CDH9: variants seen among roughly 807,000 people sequenced by gnomAD.
The protein encoded by CDH9 is cadherin 9, also known as cadherin-9.
CDH9 carries 28 observed loss-of-function variants against 70.9 expected under a neutral mutation model. The observed-to-expected ratio is 0.40, with a 90% confidence interval of 0.29 to 0.54. The LOEUF (loss-of-function observed/expected upper bound fraction) is 0.54. CDH9 is among the 20% of genes least tolerant of loss of function. The pLI, the probability that CDH9 is intolerant of heterozygous loss-of-function variation, is 0.59. For missense variants in CDH9, 874 were observed against 984.4 expected, an observed-to-expected ratio of 0.89 and a Z score of 1.50; for synonymous variants, 409 against 343.1, an observed-to-expected ratio of 1.19 and a Z score of -2.12.
intron 3 of CDH9, among the ~76,000 whole-genome samples, chr5:26,910,907 G>A (rs1206078420): frequency 1.3e-5 from 2 of 152,184 alleles, no homozygotes; most frequent in Admixed American, 1.3e-4. Flanking sequence ...TGTTTGTGCT[G>A]TGGGGGCCAC....
In CDH9 at chr5:26,963,595, C is replaced by T. The variant is rs150974831; in HGVS notation, c.228+24511G>A. On this transcript the variant is annotated intron_variant, in intron 2 of 11. Coordinates refer to ENST00000231021, the MANE Select transcript of CDH9 (RefSeq NM_016279.4). Reference sequence around the variant, plus strand: ...CCATTGACCTTCTTTCAAAAGGTTCCGAGATAGAGAAACTTGGGAGATTTT... The same window carrying T: ...CCATTGACCTTCTTTCAAAAGGTTCTGAGATAGAGAAACTTGGGAGATTTT... Among the ~76,000 whole-genome samples, 46 of 151,850 alleles carry T rather than the reference C, an allele frequency of 3.0e-4. 1 individual carries two copies. The East Asian group carries it at 7.2e-3, about 24-fold the overall frequency.
At position 27,027,878 on chromosome 5, in the gene CDH9, G is replaced by A. The variant is rs568967715; in HGVS notation, c.-50+10585C>T. On this transcript the variant is annotated intron_variant, in intron 1 of 11. Transcript: ENST00000231021. ...TAAAATTGTGTTGTTGATCATACAC[G>A]TTTCAATTTATGAACTGTTAAGCAG... 5.3e-5 allele frequency among the ~76,000 whole-genome samples: 8 copies of A among 152,116 alleles called. No homozygotes were observed. In the East Asian group the frequency reaches 5.8e-4, roughly 11 times the overall value.
At position 26,881,195 on chromosome 5, in the gene CDH9, C is replaced by G; in HGVS notation, c.2311G>C (p.Gly771Arg). The change falls in exon 12 of 12, where the codon GGG becomes CGG. Residue 771 changes from glycine to arginine, a missense_variant. Physicochemically the swap from Gly to Arg is moderately radical, Grantham distance 125. Coordinates refer to ENST00000231021, the MANE Select transcript of CDH9 (RefSeq NM_016279.4). ...NQDYDYLSDW[G>R]PRFKKLADMY... is the part of the protein sequence containing the mutation. ...TCGGCAAGTTTTTTGAAACGAGGCC[C>G]CCAGTCACTGAGGTAATCATAATCT... is the stretch of plus-strand genomic sequence containing the variant. 1.2e-6 allele frequency: 2 copies of G among 1,613,112 alleles called. No homozygotes were observed. Among genetic ancestry groups the G allele is most frequent in the Non-Finnish European group, 1.7e-6 (2 of 1,179,368 alleles).
At chr5:26,958,322 T>G in intron 2 of CDH9, among the ~76,000 whole-genome samples, 1 of 152,190 alleles carries the variant, frequency 6.6e-6, no homozygotes, top group East Asian at 1.9e-4. Context: ...AGACGGTTTG[T>G]ATCCAAATTG....
At chr5:26,893,920 T>C (rs1019944598) in intron 7 of CDH9, among the ~76,000 whole-genome samples, 9 of 152,154 alleles carry the variant, frequency 5.9e-5, no homozygotes, top group Non-Finnish European at 1.2e-4. Flanking sequence ...TCACAATTCC[T>C]GATGTGGGCT....
intron 9 of CDH9, among the ~76,000 whole-genome samples, chr5:26,886,982 G>T (rs771634147): frequency 2.0e-4 from 30 of 152,204 alleles, no homozygotes; most frequent in Non-Finnish European, 2.9e-4. Context: ...ACATTGTGTG[G>T]TGAAAAGTTA....
chr5:26,934,645 AC>A (rs1349995132), intron 2 of CDH9, among the ~76,000 whole-genome samples: 8 of 152,134 alleles, frequency 5.3e-5, no homozygotes, highest in Admixed American at 4.6e-4. Context: ...ATTCTGTGCC[AC>A]AAATTTGAGA....
intron 2 of CDH9, among the ~76,000 whole-genome samples, chr5:26,974,399 A>T (rs1382639687): frequency 6.6e-6 from 1 of 152,066 alleles, no homozygotes; most frequent in African/African-American, 2.4e-5. Flanking sequence ...GGTTTGAAAG[A>T]TATTCGCCTG....
intron 2 of CDH9, among the ~76,000 whole-genome samples, chr5:26,948,596 T>C (rs999856982): frequency 2.6e-5 from 4 of 152,176 alleles, no homozygotes; most frequent in Admixed American, 6.5e-5. Context: ...ATTTACAAGT[T>C]TAGAACAGCA....
chr5:27,032,615 A>G (rs1029299061), intron 1 of CDH9, among the ~76,000 whole-genome samples: 2 of 151,676 alleles, frequency 1.3e-5, no homozygotes, highest in African/African-American at 4.8e-5. Flanking sequence ...AAGTTGTAAC[A>G]TTAATAAGTT....
chr5:27,017,337 T>G (rs1743062721), intron 1 of CDH9, among the ~76,000 whole-genome samples: 1 of 151,928 alleles, frequency 6.6e-6, no homozygotes, highest in Non-Finnish European at 1.5e-5. Context: ...TAATGAGTGA[T>G]CCTCAACTGA....
chr5:26,890,785 G>A (rs1013804803), intron 7 of CDH9: 1 of 436,794 alleles, frequency 2.3e-6, no homozygotes. Context: ...CTTTAGAACT[G>A]TTATTTATAC....
rs150743935 is a variant in CDH9 at position 26,974,649 on chromosome 5, T to C, written c.228+13457A>G. ...ACAAAAGACAAAACAGTGACATGAG[T>C]GTTAATTTATTTTGATTTTTTCAAG... On this transcript the variant is annotated intron_variant, in intron 2 of 11. Transcript: ENST00000231021. Among the ~76,000 whole-genome samples, 883 of 152,086 alleles carry C rather than the reference T, an allele frequency of 5.8e-3. 8 individuals are homozygous for C. Among genetic ancestry groups the C allele is most frequent in the Non-Finnish European group, 0.01 (705 of 67,978 alleles).
At chr5:26,985,155 A>C (rs1742467438) in intron 2 of CDH9, among the ~76,000 whole-genome samples, 1 of 152,142 alleles carries the variant, frequency 6.6e-6, no homozygotes, top group Non-Finnish European at 1.5e-5. Flanking sequence ...TGAAGGTCTA[A>C]CTTTATCCTA....
intron 3 of CDH9, among the ~76,000 whole-genome samples, chr5:26,914,761 A>C (rs1741119392): frequency 6.6e-6 from 1 of 152,034 alleles, no homozygotes; most frequent in Admixed American, 6.6e-5. Context: ...AGAATGTCAA[A>C]ATCATACACT....
chr5:26,960,674 TAA>T (rs1245429465), intron 2 of CDH9, among the ~76,000 whole-genome samples: 5 of 152,124 alleles, frequency 3.3e-5, no homozygotes, highest in African/African-American at 1.2e-4. Flanking sequence ...TAGTATATAC[TAA>T]ATAAATTTAG....
chr5:26,988,209 T>G lies in CDH9; in HGVS notation c.125A>C (p.Lys42Thr). ...LSSKKIAGLTKDDGKMLRRTK... is the reference protein window; with the variant it reads ...LSSKKIAGLTTDDGKMLRRTK... ...GCGACGTAGCATTTTACCGTCATCT[T>G]TTGTCAGACCCGCTATCTTTTTGCT... is the stretch of plus-strand genomic sequence containing the variant. Residue 42 changes from lysine (K) to threonine (T), a missense_variant, in exon 2 of 12, where the codon AAA becomes ACA. Transcript: ENST00000231021. The G allele has an allele frequency of 6.2e-7, 1 of 1,613,600 alleles. No homozygotes were observed. Among genetic ancestry groups the G allele is most frequent in the Non-Finnish European group, 8.5e-7 (1 of 1,179,658 alleles).
chr5:27,037,797 A>G (rs1176304300), intron 1 of CDH9, among the ~76,000 whole-genome samples: 1 of 152,016 alleles, frequency 6.6e-6, no homozygotes, highest in East Asian at 1.9e-4. Context: ...CTACAATAAT[A>G]GAAAGCAATT....
Position 26,988,092 on chromosome 5 carries a change from A to G in CDH9, c.228+14T>C. On this transcript the variant is annotated intron_variant, in intron 2 of 11. Coordinates refer to ENST00000231021, the MANE Select transcript of CDH9 (RefSeq NM_016279.4). ...CACTTTCAGCTTTTAGATTTCTCAT[A>G]CAAAAATTCTTACCTTGCCTACATA... is the stretch of plus-strand genomic sequence containing the variant. The G allele has an allele frequency of 6.4e-7, 1 of 1,573,404 alleles. No individual in the cohort carries two copies. Among genetic ancestry groups the G allele is most frequent in the Non-Finnish European group, 8.7e-7 (1 of 1,149,882 alleles).
Sources: gnomAD v4.1 joint callset for allele counts (sites outside exome capture counted in the v4.1 genomes callset) on GRCh38, gnomAD v4.1.1 for gene constraint, MANE v1.5 for transcripts, NCBI Gene and HGNC (gene_info 2026-07-23, HGNC 2026-07-21) for gene names.